The following ZNF239 variants were observed in gnomAD, a reference collection of about 807,000 sequenced individuals.
ZNF239 encodes zinc finger protein 239, also known as zinc finger protein (C2H2) homologous to mouse MOK-2.
ZNF239 carries 16 observed loss-of-function variants against 27.5 expected under a neutral mutation model. That is an observed-to-expected ratio of 0.58 (90% CI 0.39 to 0.88). The LOEUF (loss-of-function observed/expected upper bound fraction) is 0.88. ZNF239 is among the 40% of genes least tolerant of loss of function. The pLI, the probability that ZNF239 is intolerant of heterozygous loss-of-function variation, is 0.00. For missense variants in ZNF239, 527 were observed against 551.9 expected, an observed-to-expected ratio of 0.95 and a Z score of 0.45; for synonymous variants, 199 against 192.6, an observed-to-expected ratio of 1.03 and a Z score of -0.27.
chr10:43,570,861 G>A, intron 2 of ZNF239: 1 of 985,190 alleles, frequency 1.0e-6, no homozygotes, highest in Middle Eastern at 5.2e-4. Flanking sequence ...ATGGCAGGCG[G>A]GACTCCATTC....
chr10:43,560,181 C>T (rs1370304523), intron 3 of ZNF239, among the ~76,000 whole-genome samples: 1 of 152,064 alleles, frequency 6.6e-6, no homozygotes, highest in Non-Finnish European at 1.5e-5. Context: ...TATAAAGCCT[C>T]AAGAATAAAA....
In ZNF239 at chr10:43,556,779, C is replaced by G; in HGVS notation, c.1301G>C (p.Ser434Thr). Residue 434 changes from serine to threonine, a missense_variant, in exon 4 of 4, where the codon AGC (serine) becomes ACC (threonine). Transcript: ENST00000374446. ...VHTGEKPYEC[S>T]KCGKGFSQSS... ...CTGGCTGAAGCCCTTCCCACACTTGCTGCACTCATAGGGCTTCTCTCCAGT... is the reference window on the plus strand; with the variant it reads ...CTGGCTGAAGCCCTTCCCACACTTGGTGCACTCATAGGGCTTCTCTCCAGT... The G allele has an allele frequency of 6.3e-7, 1 of 1,599,834 alleles. No individual in the cohort carries two copies. Among genetic ancestry groups the G allele is most frequent in the Non-Finnish European group, 8.5e-7 (1 of 1,174,262 alleles).
chr10:43,571,113 G>T, intron 2 of ZNF239: 1 of 699,598 alleles, frequency 1.4e-6, no homozygotes, highest in Non-Finnish European at 1.8e-6. Context: ...AGTTGGGAGA[G>T]CAGACTTGAT....
rs1314934794 is a variant in ZNF239, at chr10:43,557,929, G to C, written c.151C>G (p.Gln51Glu). ...TCAATGTTTTCGAAACAACCACTTT[G>C]AAGAGTCATCACACTGTCCCTGTTT... The part of the protein sequence containing the change: ...SRNRDSVMTL[Q>E]SGCFENIESE... Residue 51 changes from glutamine (Q) to glutamate (E), a missense_variant, in exon 4 of 4, where the codon CAA becomes GAA. Gln to Glu is a conservative substitution (Grantham distance 29). Transcript: ENST00000374446. 1 of 1,614,170 alleles carries C rather than the reference G, an allele frequency of 6.2e-7. No individual in the cohort carries two copies. The highest frequency in any genetic ancestry group is 1.1e-5 in the South Asian group (1 of 91,088).
intron 2 of ZNF239, among the ~76,000 whole-genome samples, chr10:43,573,338 C>G (rs1838150838): frequency 6.6e-6 from 1 of 152,192 alleles, no homozygotes; most frequent in Non-Finnish European, 1.5e-5. Context: ...CTTGGAATGA[C>G]TTTCAATGTG....
At position 43,557,355 on chromosome 10, in the gene ZNF239, T is replaced by C. The variant is rs1283295568; in HGVS notation, c.725A>G (p.Lys242Arg). The change falls in exon 4 of 4, where the codon AAG becomes AGG. Residue 242 changes from lysine (K) to arginine (R), a missense_variant. By Grantham distance (26) the Lys-to-Arg change is conservative. Transcript: ENST00000374446. ...EKPYKCEQCGKGFTRSSSLLI... is the reference protein window; with the variant it reads ...EKPYKCEQCGRGFTRSSSLLI... ...CAGACTCGAGCTCCTTGTGAAGCCC[T>C]TCCCACATTGCTCACATTTGTAGGG... The C allele has an allele frequency of 6.2e-7, 1 of 1,614,244 alleles. No homozygotes were observed. Among genetic ancestry groups the C allele is most frequent in the East Asian group, 2.2e-5 (1 of 44,886 alleles).
At chr10:43,571,255 T>C (rs1397780179) in intron 2 of ZNF239, among the ~76,000 whole-genome samples, 1 of 150,558 alleles carries the variant, frequency 6.6e-6, no homozygotes, top group Non-Finnish European at 1.5e-5. Context: ...AGCCCATCTC[T>C]GCTGTATCTA....
chr10:43,557,270 C>T lies in ZNF239; in HGVS notation c.810G>A (p.Lys270=). The change falls in exon 4 of 4, where the codon AAG becomes AAA. Residue 270 remains lysine, a synonymous_variant. Coordinates refer to ENST00000374446, the MANE Select transcript of ZNF239 (RefSeq NM_001099282.2). ...GCAGACTTGAGCTCCTGGTGAAGCCCTTCCCACACTTGTCACACTTATAAG... is the reference window on the plus strand; with the variant it reads ...GCAGACTTGAGCTCCTGGTGAAGCCTTTCCCACACTTGTCACACTTATAAG... ...EKPYKCDKCG[K]GFTRSSSLLI... is the part of the protein sequence containing the mutation. 1.2e-6 allele frequency: 2 copies of T among 1,614,170 alleles called. No individual in the cohort carries two copies. The highest frequency in any genetic ancestry group is 1.7e-6 in the Non-Finnish European group (2 of 1,180,018).
chr10:43,557,663 C>T lies in ZNF239; in HGVS notation c.417G>A (p.Gln139=). 2 of 1,614,208 alleles carry T rather than the reference C, an allele frequency of 1.2e-6. No individual in the cohort carries two copies. Among genetic ancestry groups the T allele is most frequent in the Non-Finnish European group, 1.7e-6 (2 of 1,180,042 alleles). ...SPLLNGEATC[Q]NGQLKESLDP... is the part of the protein sequence containing the mutation. ...CCAAAGATTCTTTTAACTGGCCATT[C>T]TGGCAAGTTGCCTCACCATTTAACA... Residue 139 remains glutamine, a synonymous_variant, in exon 4 of 4, where the codon CAG becomes CAA. Coordinates refer to ENST00000374446, the MANE Select transcript of ZNF239 (RefSeq NM_001099282.2).
At chr10:43,563,316 AAAG>A (rs971906506) in intron 3 of ZNF239, among the ~76,000 whole-genome samples, 37 of 152,286 alleles carry the variant, frequency 2.4e-4, no homozygotes, top group African/African-American at 6.5e-4. Context: ...CCTTCGTCTA[AAAG>A]AAGAAGAAGA....
At chr10:43,558,430 A>C (rs1836968126) in intron 3 of ZNF239, among the ~76,000 whole-genome samples, 1 of 152,104 alleles carries the variant, frequency 6.6e-6, no homozygotes, top group African/African-American at 2.4e-5. Flanking sequence ...CTTGCTAACA[A>C]TAACATTTCA....
In ZNF239 at chr10:43,557,793, A is replaced by G. The variant is rs778867082; in HGVS notation, c.287T>C (p.Phe96Ser). The change falls in exon 4 of 4, where the codon TTT becomes TCT. Residue 96 changes from phenylalanine (F) to serine (S), a missense_variant. Coordinates refer to ENST00000374446, the MANE Select transcript of ZNF239 (RefSeq NM_001099282.2). ...TCTCTCAGTGCTTTCTTCCATTACA[A>G]AGAGACGTCTGCTTTCCTGATGATC... ...PQDHQESRRL[F>S]VMEESTERKV... 1.9e-6 allele frequency: 3 copies of G among 1,614,182 alleles called. No individual in the cohort carries two copies.
At position 43,557,207 on chromosome 10, in the gene ZNF239, A is replaced by G. The variant is rs1836820776; in HGVS notation, c.873T>C (p.Tyr291=). Residue 291 remains tyrosine (Y), a synonymous_variant, in exon 4 of 4, where the codon TAT becomes TAC. Coordinates refer to ENST00000374446, the MANE Select transcript of ZNF239 (RefSeq NM_001099282.2). ...AGCCCTTCCCACACTTGTCACATTT[A>G]TAAGGTTTTTCGCCTGTATGGACGG... ...HHAVHTGEKP[Y]KCDKCGKGFS... The G allele has an allele frequency of 2.5e-6, 4 of 1,613,530 alleles. No individual in the cohort carries two copies. In the Admixed American group the frequency reaches 5.0e-5, roughly 20 times the overall value.
intron 3 of ZNF239, 31 bp downstream of exon 3, chr10:43,567,868 C>T (rs974185972): frequency 7.2e-6 from 7 of 973,788 alleles, no homozygotes; most frequent in Non-Finnish European, 8.5e-6. Context: ...AGCCAATGGG[C>T]AGGTGTCCAA....
intron 2 of ZNF239, chr10:43,570,118 A>G (rs1403861192): frequency 1.0e-6 from 1 of 965,550 alleles, no homozygotes; most frequent in Non-Finnish European, 1.2e-6. Context: ...CCTGAGGCTA[A>G]AGAGGCACCA....
rs911841876 is a variant in ZNF239, at chr10:43,556,671, G to A, written c.*32C>T. ...ATATTTAACAGTTTTTACAGTATGA[G>A]CGCTGTGAAGACCTGAATGGGCTAA... On this transcript the variant is annotated 3_prime_UTR_variant, in exon 4 of 4. Transcript: ENST00000374446. The A allele has an allele frequency of 2.1e-5, 33 of 1,597,246 alleles. No homozygotes were observed. The highest frequency in any genetic ancestry group is 2.8e-5 in the Non-Finnish European group (33 of 1,171,144).
chr10:43,564,362 C>T (rs1837487682), intron 3 of ZNF239: 1 of 800,378 alleles, frequency 1.2e-6, no homozygotes, highest in African/African-American at 1.9e-5. Flanking sequence ...CTAACTTGAG[C>T]TTGAAAAACG....
chr10:43,571,683 C>T (rs766193245), intron 2 of ZNF239, among the ~76,000 whole-genome samples: 8 of 152,036 alleles, frequency 5.3e-5, no homozygotes, highest in Non-Finnish European at 1.2e-4. Context: ...CTCAGCCTCC[C>T]GAGTAGCTGG....
At chr10:43,573,173 T>C (rs941766505) in intron 2 of ZNF239, among the ~76,000 whole-genome samples, 1 of 152,258 alleles carries the variant, frequency 6.6e-6, no homozygotes, top group African/African-American at 2.4e-5. Context: ...TTTTGACTCA[T>C]AGTTAATAAA....
Sources: allele counts gnomAD v4.1 joint callset (sites outside exome capture counted in the v4.1 genomes callset), GRCh38; gene constraint gnomAD v4.1.1; transcripts MANE v1.5; gene names NCBI Gene and HGNC (gene_info 2026-07-23, HGNC 2026-07-21).